Variants in CIT observed in about 807,000 individuals in gnomAD.
The protein encoded by CIT is citron rho-interacting serine/threonine kinase, also known as citron Rho-interacting kinase.
A neutral mutation model predicts 272.7 loss-of-function variants in CIT; 79 were observed. The observed-to-expected ratio is 0.29, with a 90% CI of 0.24 to 0.35. The LOEUF (loss-of-function observed/expected upper bound fraction) is 0.35, where lower values mean the gene tolerates loss of function less well. Among genes scored for constraint, CIT ranks in the 10% least tolerant of loss-of-function variants. The pLI is 1.00. For missense variants in CIT, 1,909 were observed against 2,618.3 expected (o/e 0.73, Z 5.91); for synonymous variants, 948 against 995.6 (o/e 0.95, Z 0.90).
intron 40 of CIT, among the ~76,000 whole-genome samples, chr12:119,707,872 A>G: frequency 6.6e-6 from 1 of 152,218 alleles, no homozygotes; most frequent in East Asian, 1.9e-4. Flanking sequence ...CCAACCTTAG[A>G]CAAGCGTCAG....
At chr12:119,730,461 G>C (rs756985159) in intron 27 of CIT, 34 bp downstream of exon 27, 1 of 1,544,690 alleles carries the variant, frequency 6.5e-7, no homozygotes, top group Non-Finnish European at 8.8e-7. Context: ...AAACGAAAAT[G>C]TTTTCCTAAA....
chr12:119,784,394 T>C lies in CIT; in HGVS notation c.1402-343A>G. 2 of 1,236,734 alleles carry C rather than the reference T, an allele frequency of 1.6e-6. No individual in the cohort carries two copies. Among genetic ancestry groups the C allele is most frequent in the Non-Finnish European group, 1.0e-6 (1 of 969,814 alleles). The allele number at this position is 1,236,734 out of a possible 1,614,324, so 76.6% of individuals were successfully genotyped here. ...TCACTTTAATTTTATCCCAAATCCA[T>C]CTTGATCCCCCCCCATCTCCTTGCA... On this transcript the variant is annotated intron_variant, in intron 11 of 47. Transcript: ENST00000392521. The surrounding 1 kb of genome is among the most constrained non-coding windows in gnomAD (Gnocchi z 4.7).
At chr12:119,825,134 G>C (rs1177457070) in intron 8 of CIT, 31 bp downstream of exon 8, 1 of 1,584,290 alleles carries the variant, frequency 6.3e-7, no homozygotes, top group Non-Finnish European at 8.6e-7. Flanking sequence ...GTTTCTCAAT[G>C]TGACTTCGAA....
rs1428162589 is a variant in CIT, at chr12:119,832,816, C to T, written c.708G>A (p.Lys236=). Residue 236 remains lysine, a synonymous_variant, in exon 7 of 48, where the codon AAG becomes AAA. Transcript: ENST00000392521. The stretch of plus-strand genomic sequence containing the variant: ...TCGCGGCAGATCCAAAATCCACCAG[C>T]TTGATGTGTCCTGTGCGGTCAACGA... ...NILVDRTGHI[K]LVDFGSAAKM... 8 of 1,614,020 alleles carry T rather than the reference C, an allele frequency of 5.0e-6. No homozygotes were observed. The South Asian group carries it at 7.7e-5, about 16-fold the overall frequency.
intron 5 of CIT, among the ~76,000 whole-genome samples, chr12:119,843,588 G>T (rs1566115868): frequency 6.6e-6 from 1 of 152,104 alleles, no homozygotes; most frequent in Admixed American, 6.6e-5. Context: ...GAGGAGGGAA[G>T]ATTACAAGGT....
At position 119,728,419 on chromosome 12, in the gene CIT, C is replaced by T. The variant is rs763818116; in HGVS notation, c.3591+83G>A. The T allele has an allele frequency of 3.6e-5, 30 of 823,454 alleles. No homozygotes were observed. The highest frequency in any genetic ancestry group is 4.4e-5 in the Non-Finnish European group (22 of 500,588). The allele number at this position is 823,454 out of a possible 1,614,324, so 51.0% of individuals were successfully genotyped here. A position where few individuals can be genotyped will look rare whatever the true frequency, so the allele number is the denominator to read the frequency against. Reference sequence around the variant, plus strand: ...GCTTTCTGCTCAATTTTGCTGTGAACCTAAAGCTGCTCCAAAAAAAAGAAG... The same window carrying T: ...GCTTTCTGCTCAATTTTGCTGTGAATCTAAAGCTGCTCCAAAAAAAAGAAG... On this transcript the variant is annotated intron_variant, in intron 28 of 47. Coordinates refer to ENST00000392521, the MANE Select transcript of CIT (RefSeq NM_001206999.2). The surrounding 1 kb of genome is among the most constrained non-coding windows in gnomAD (Gnocchi z 4.3).
intron 5 of CIT, among the ~76,000 whole-genome samples, chr12:119,849,269 A>C (rs980568845): frequency 6.6e-6 from 1 of 152,266 alleles, no homozygotes; most frequent in Admixed American, 6.5e-5. Context: ...TCTACTAAAA[A>C]TACAAAAATT....
rs376170277 is a variant in CIT, at chr12:119,700,779, G to A, written c.5589C>T (p.Asp1863=). 6.8e-6 allele frequency: 11 copies of A among 1,613,886 alleles called. No homozygotes were observed. Among genetic ancestry groups the A allele is most frequent in the East Asian group, 2.2e-5 (1 of 44,860 alleles). The change falls in exon 44 of 48, where the codon GAC becomes GAT. Residue 1863 remains aspartate (D), a synonymous_variant. Coordinates refer to ENST00000392521, the MANE Select transcript of CIT (RefSeq NM_001206999.2). The part of the protein sequence containing the change: ...VDSYGRRSRT[D]DLKWSRLPLA... The stretch of plus-strand genomic sequence containing the variant: ...AAGGTAAGCGACTCCACTTGAGATC[G>A]TCTGTGCGGCTACGTCTTCCGTAAG...
At chr12:119,775,715 T>C in intron 16 of CIT, 71 bp downstream of exon 16, 1 of 1,221,508 alleles carries the variant, frequency 8.2e-7, no homozygotes, top group Non-Finnish European at 1.2e-6. Flanking sequence ...TTTCGTGCTC[T>C]GGGACAAGGC....
In CIT at chr12:119,776,754, T is replaced by C; in HGVS notation, c.1754A>G (p.Tyr585Cys). Residue 585 changes from tyrosine (Y) to cysteine (C), a missense_variant, in exon 14 of 48, where the codon TAC becomes TGC. This residue lies in a region of CIT where 530 missense variants were observed against 822.4 expected (regional missense o/e 0.64). Transcript: ENST00000392521. ...LVSARRRSDL[Y>C]ESELRESRLA... The stretch of plus-strand genomic sequence containing the variant: ...CCGAGACTCTCTCAGCTCAGATTCG[T>C]AGAGATCACTCCGTCTTCTTGCTGA... 6.2e-7 allele frequency: 1 copy of C among 1,614,102 alleles called. No individual in the cohort carries two copies. The highest frequency in any genetic ancestry group is 8.5e-7 in the Non-Finnish European group (1 of 1,180,004).
chr12:119,714,047 A>G, intron 33 of CIT, 150 bp downstream of exon 33: 3 of 860,174 alleles, frequency 3.5e-6, no homozygotes, highest in Middle Eastern at 3.5e-4. Flanking sequence ...CAGCTTCAAC[A>G]GGGGAAAAAT....
At chr12:119,855,908 C>G (rs1265508539) in intron 4 of CIT, among the ~76,000 whole-genome samples, 1 of 152,142 alleles carries the variant, frequency 6.6e-6, no homozygotes, top group East Asian at 1.9e-4. Flanking sequence ...TCTCCAGGAC[C>G]TAGAAACACA....
chr12:119,825,448 C>T, intron 7 of CIT, 80 bp from the exon 8 acceptor site: 1 of 1,334,588 alleles, frequency 7.5e-7, no homozygotes, highest in Non-Finnish European at 1.1e-6. Context: ...ATTTCAGACA[C>T]AAGCTGATTT....
chr12:119,713,993 G>A lies in CIT; in HGVS notation c.4306+204C>T, dbSNP rs983470369. ...AAATTAGCAAAGCCTAAGGCACTCT[G>A]AGCAGCAGGCTGGAGTCATGAGCTG... On this transcript the variant is annotated intron_variant, in intron 33 of 47. Coordinates refer to ENST00000392521, the MANE Select transcript of CIT (RefSeq NM_001206999.2). This position sits in a 1 kb window ranked among gnomAD's most constrained non-coding sequence, Gnocchi z 5.2. Among the ~76,000 whole-genome samples, 2 of 152,228 alleles carry A rather than the reference G, an allele frequency of 1.3e-5. No individual in the cohort carries two copies. The highest frequency in any genetic ancestry group is 6.5e-5 in the Admixed American group (1 of 15,288).
intron 5 of CIT, among the ~76,000 whole-genome samples, chr12:119,836,314 A>AAAAAAAAAAAAAG (rs1969012467): frequency 6.8e-6 from 1 of 147,592 alleles, no homozygotes; most frequent in African/African-American, 2.5e-5. Flanking sequence ...AAAAAAAAAA[A>AAAAAAAAAAAAAG]TTATGAACAA....
intron 9 of CIT, among the ~76,000 whole-genome samples, chr12:119,809,279 G>T (rs1344361778): frequency 6.6e-6 from 1 of 152,030 alleles, no homozygotes; most frequent in Non-Finnish European, 1.5e-5. Flanking sequence ...AATAGTGATG[G>T]GTGGAAGAGG....
At chr12:119,738,282 TG>T (rs1426342908) in intron 24 of CIT, among the ~76,000 whole-genome samples, 8 of 152,218 alleles carry the variant, frequency 5.3e-5, no homozygotes, top group African/African-American at 1.9e-4. Context: ...TAAGATATAT[TG>T]ACCATTCAGG....
chr12:119,704,577 T>TG, intron 40 of CIT, 122 bp from the exon 41 acceptor site: 2 of 845,604 alleles, frequency 2.4e-6, no homozygotes, highest in Non-Finnish European at 3.8e-6. Context: ...TTCTGTGTGG[T>TG]GGGGGGAGGG....
chr12:119,875,239 G>C (rs1419267828), intron 2 of CIT, among the ~76,000 whole-genome samples: 1 of 151,920 alleles, frequency 6.6e-6, no homozygotes. Flanking sequence ...GGAGGTCAAG[G>C]CTGCAGTAAG....
Sources: allele counts gnomAD v4.1 joint callset (sites outside exome capture counted in the v4.1 genomes callset), GRCh38; gene constraint gnomAD v4.1.1; regional missense constraint gnomAD v4.1.1; non-coding constraint Gnocchi (gnomAD v3.1); transcripts MANE v1.5; gene names NCBI Gene and HGNC (gene_info 2026-07-23, HGNC 2026-07-21).